The following TKT variants were observed in gnomAD, a reference collection of about 807,000 sequenced individuals.
The protein encoded by TKT is transketolase, also known as epididymis luminal protein 107.
TKT carries 47 observed loss-of-function variants against 63.9 expected under a neutral mutation model. The observed-to-expected ratio is 0.74, with a 90% CI of 0.58 to 0.94. TKT has a LOEUF of 0.94. Ranked by LOEUF, TKT falls within the 40% of genes least tolerant of loss-of-function variation. The pLI, the probability that TKT is intolerant of heterozygous loss-of-function variation, is 0.00. For synonymous variants in TKT, 338 were observed against 334.1 expected (o/e 1.01, Z -0.13); for missense variants, 721 against 846.2 (o/e 0.85, Z 1.84).
intron 6 of TKT, 133 bp downstream of exon 6, chr3:53,233,023 G>A (rs541660498): frequency 9.3e-6 from 7 of 754,376 alleles, no homozygotes; most frequent in African/African-American, 1.8e-5. Flanking sequence ...AGCATCTCCC[G>A]CTCCCCTTCC....
chr3:53,226,073 T>C (rs1288700501), intron 13 of TKT, 142 bp from the exon 14 acceptor site: 1 of 704,248 alleles, frequency 1.4e-6, no homozygotes. Context: ...GCCCATCACA[T>C]AACTCATTGA....
At chr3:53,230,938 G>A (rs902271881) in intron 7 of TKT, among the ~76,000 whole-genome samples, 1 of 152,212 alleles carries the variant, frequency 6.6e-6, no homozygotes, top group Non-Finnish European at 1.5e-5. Flanking sequence ...GAAGGCTTGG[G>A]AGTCAAGGCC....
At chr3:53,248,495 A>G (rs1315649146) in intron 1 of TKT, among the ~76,000 whole-genome samples, 1 of 152,122 alleles carries the variant, frequency 6.6e-6, no homozygotes, top group Non-Finnish European at 1.5e-5. Context: ...TTAGCTGTGT[A>G]TGGTGGTGAG....
intron 1 of TKT, among the ~76,000 whole-genome samples, chr3:53,255,334 A>AG (rs1322846026): frequency 6.6e-6 from 1 of 152,090 alleles, no homozygotes; most frequent in Non-Finnish European, 1.5e-5. Context: ...TGGGGCTCAA[A>AG]TCAGATCTCC....
At chr3:53,235,568 T>G (rs1000842454) in intron 4 of TKT, 20 of 157,384 alleles carry the variant, frequency 1.3e-4, no homozygotes, top group East Asian at 1.1e-3. Flanking sequence ...GAACCAGAGG[T>G]TGGAGGAGGC....
Position 53,229,371 on chromosome 3 carries a change from G to T in TKT, c.1173C>A (p.Ala391=), listed in dbSNP as rs142574809. Residue 391 remains alanine, a synonymous_variant, in exon 9 of 14, where the codon GCC becomes GCA. Transcript: ENST00000462138. ...TCTGGTCAAAGGCCCGCGTGAAGAAGGCTGCAAAAGTGCTGCAGAAGGGCA... is the reference window on the plus strand; with the variant it reads ...TCTGGTCAAAGGCCCGCGTGAAGAATGCTGCAAAAGTGCTGCAGAAGGGCA... The part of the protein sequence containing the change: ...RTVPFCSTFA[A]FFTRAFDQIR... 1.1e-4 allele frequency: 173 copies of T among 1,613,480 alleles called. No homozygotes were observed. In the African/African-American group the frequency reaches 2.2e-3, roughly 20 times the overall value.
intron 10 of TKT, 167 bp downstream of exon 10, chr3:53,228,840 G>T: frequency 1.1e-6 from 1 of 924,712 alleles, no homozygotes; most frequent in South Asian, 1.6e-5. Context: ...AGTAAGTGGG[G>T]TGTGTATTTC....
At chr3:53,244,900 A>C (rs1392185609) in intron 1 of TKT, among the ~76,000 whole-genome samples, 1 of 151,964 alleles carries the variant, frequency 6.6e-6, no homozygotes, top group African/African-American at 2.4e-5. Context: ...AAAAAAAAAA[A>C]AAACTAACAC....
At position 53,228,267 on chromosome 3, in the gene TKT, G is replaced by C. The variant is rs373423312; in HGVS notation, c.1479+9C>G. 6.2e-7 allele frequency: 1 copy of C among 1,614,178 alleles called. No individual in the cohort carries two copies. Among genetic ancestry groups the C allele is most frequent in the African/African-American group, 1.3e-5 (1 of 75,042 alleles). On this transcript the variant is annotated intron_variant, in intron 11 of 13. Coordinates refer to ENST00000462138, the MANE Select transcript of TKT (RefSeq NM_001064.4). ...CTCTGTGGGCTCCTGGGGCATGCGA[G>C]GCACTGACCTTGGCTTGTCCGACCT...
At position 53,228,071 on chromosome 3, in the gene TKT, C is replaced by T. The variant is rs782199643; in HGVS notation, c.1558G>A (p.Glu520Lys). Residue 520 changes from glutamate (E) to lysine (K), a missense_variant, in exon 12 of 14, where the codon GAA (glutamate) becomes AAA (lysine). By Grantham distance (56) the Glu-to-Lys change is moderately conservative. Transcript: ENST00000462138. ...TTCTCCTCACCTTTCTTCAGCAGTT[C>T]GGCAGCGGCCAAGGCCTCGTGCAGG... The part of the protein sequence containing the change: ...VTLHEALAAA[E>K]LLKKEKINIR... 3.3e-5 allele frequency: 53 copies of T among 1,612,646 alleles called. No individual in the cohort carries two copies. The East Asian group carries it at 7.8e-4, about 24-fold the overall frequency.
chr3:53,226,645 G>T, intron 13 of TKT, 111 bp downstream of exon 13: 1 of 1,500,430 alleles, frequency 6.7e-7, no homozygotes. Flanking sequence ...GACAGCTCTG[G>T]GTGTTCTGGG....
intron 4 of TKT, among the ~76,000 whole-genome samples, chr3:53,238,718 C>A (rs1332228243): frequency 6.6e-6 from 1 of 152,256 alleles, no homozygotes; most frequent in Admixed American, 6.5e-5. Flanking sequence ...TGCCCTCAGC[C>A]TCTCCAAGAG....
At position 53,241,198 on chromosome 3, in the gene TKT, G is replaced by T; in HGVS notation, c.273C>A (p.Phe91Leu). Residue 91 changes from phenylalanine to leucine, a missense_variant, in exon 3 of 14, where the codon TTC (phenylalanine) becomes TTA (leucine). Phe to Leu is a conservative substitution (Grantham distance 22, BLOSUM62 0). Transcript: ENST00000462138. ...ILYAVWAEAGFLAEAELLNLR... is the reference protein window; with the variant it reads ...ILYAVWAEAGLLAEAELLNLR... ...GGTTCAGCAGCTCCGCCTCGGCCAG[G>T]AAACCAGCTTCAGCCCAGACCGCGT... 6.3e-7 allele frequency: 1 copy of T among 1,597,882 alleles called. No homozygotes were observed. Among genetic ancestry groups the T allele is most frequent in the Non-Finnish European group, 8.5e-7 (1 of 1,173,990 alleles).
rs1218866355 is a variant in TKT at position 53,235,101 on chromosome 3, TG to T, written c.510del (p.Ser171AlafsTer12). 3 of 1,613,774 alleles carry T rather than the reference TG, an allele frequency of 1.9e-6. No homozygotes were observed. Among genetic ancestry groups the T allele is most frequent in the Non-Finnish European group, 2.5e-6 (3 of 1,180,020 alleles). On this transcript the variant is annotated frameshift_variant, in exon 5 of 14. Transcript: ENST00000462138. LOFTEE classifies it high-confidence loss of function. ...EGSVWEAMAF[A>X]SIYKLDNLVA... ...ACAAGGTTGTCCAGCTTATAGATGC[TG>T]GCGAAGGCCATGGCCTCCCATACAG...
chr3:53,235,105 G>A lies in TKT; in HGVS notation c.507C>T (p.Phe169=), dbSNP rs200456564. The A allele has an allele frequency of 4.3e-5, 70 of 1,613,704 alleles. No homozygotes were observed. Among genetic ancestry groups the A allele is most frequent in the Admixed American group, 6.7e-5 (4 of 60,002 alleles). ...GGTTGTCCAGCTTATAGATGCTGGCGAAGGCCATGGCCTCCCATACAGAGC... is the reference window on the plus strand; with the variant it reads ...GGTTGTCCAGCTTATAGATGCTGGCAAAGGCCATGGCCTCCCATACAGAGC... The part of the protein sequence containing the change: ...SEGSVWEAMA[F]ASIYKLDNLV... The change falls in exon 5 of 14, where the codon TTC becomes TTT. Residue 169 remains phenylalanine (F), a synonymous_variant. Transcript: ENST00000462138.
At chr3:53,253,408 A>C (rs1705842410) in intron 1 of TKT, among the ~76,000 whole-genome samples, 1 of 152,100 alleles carries the variant, frequency 6.6e-6, no homozygotes, top group South Asian at 2.1e-4. Flanking sequence ...CCTGGGCTCA[A>C]GTGATCCTCT....
chr3:53,246,613 G>A (rs62255998), intron 1 of TKT, among the ~76,000 whole-genome samples: 1 of 152,280 alleles, frequency 6.6e-6, no homozygotes, highest in African/African-American at 2.4e-5. Flanking sequence ...AGCACTTTGG[G>A]AGGCCGAGGA....
chr3:53,228,333 G>A lies in TKT; in HGVS notation c.1422C>T (p.Arg474=), dbSNP rs1704591397. 2 of 1,614,036 alleles carry A rather than the reference G, an allele frequency of 1.2e-6. No individual in the cohort carries two copies. Among genetic ancestry groups the A allele is most frequent in the South Asian group, 2.2e-5 (2 of 91,080 alleles). Residue 474 remains arginine (R), a synonymous_variant, in exon 11 of 14, where the codon CGC becomes CGT. Coordinates refer to ENST00000462138, the MANE Select transcript of TKT (RefSeq NM_001064.4). ...TKGICFIRTS[R]PENAIIYNNN... is the part of the protein sequence containing the mutation. The stretch of plus-strand genomic sequence containing the variant: ...TGTTATAGATGATGGCATTTTCTGG[G>A]CGGCTGGTCCGGATGAAGCAGATAC...
intron 1 of TKT, among the ~76,000 whole-genome samples, chr3:53,252,127 T>C (rs528135258): frequency 6.6e-6 from 1 of 152,060 alleles, no homozygotes; most frequent in African/African-American, 2.4e-5. Flanking sequence ...GCAACAAGAG[T>C]GAAACTCCAT....
Sources: allele counts gnomAD v4.1 joint callset (sites outside exome capture counted in the v4.1 genomes callset), GRCh38; gene constraint gnomAD v4.1.1; transcripts MANE v1.5; gene names NCBI Gene and HGNC (gene_info 2026-07-23, HGNC 2026-07-21).